The following KY variants were observed in gnomAD, a reference collection of about 807,000 sequenced individuals.
KY encodes kyphoscoliosis peptidase.
In KY, 43 loss-of-function variants were observed where a neutral mutation model predicts 76.1. That is an observed-to-expected ratio of 0.57 (90% confidence interval 0.44 to 0.73). The LOEUF is 0.73. Ranked by LOEUF, KY falls within the 30% of genes least tolerant of loss-of-function variation. KY has a pLI of 0.00. For missense variants in KY, 722 were observed against 828.9 expected, an observed-to-expected ratio of 0.87 and a Z score of 1.58; for synonymous variants, 277 against 326.2, an observed-to-expected ratio of 0.85 and a Z score of 1.63.
intron 1 of KY, 135 bp downstream of exon 1, chr3:134,650,690 G>T (rs1966862039): frequency 6.2e-6 from 5 of 806,918 alleles, no homozygotes; most frequent in Non-Finnish European, 9.3e-6. Context: ...GGGAAGCGAC[G>T]GCAGCCATGG....
At chr3:134,646,624 A>T (rs892453513) in intron 2 of KY, among the ~76,000 whole-genome samples, 3 of 152,210 alleles carry the variant, frequency 2.0e-5, no homozygotes, top group Non-Finnish European at 4.4e-5. Flanking sequence ...ATGGTAGAAC[A>T]TAGCAGTTTA....
chr3:134,643,304 C>T lies in KY; in HGVS notation c.262+12G>A, dbSNP rs188212710. 1.2e-5 allele frequency: 19 copies of T among 1,613,378 alleles called. No individual in the cohort carries two copies. Among genetic ancestry groups the T allele is most frequent in the Middle Eastern group, 1.7e-4 (1 of 5,808 alleles). Reference sequence around the variant, plus strand: ...CTGCAGGGGAGGTCACGGCTAGCGGCGAATCACTTACCTTGGCTGTTGTAG... The same window carrying T: ...CTGCAGGGGAGGTCACGGCTAGCGGTGAATCACTTACCTTGGCTGTTGTAG... On this transcript the variant is annotated intron_variant, in intron 3 of 10. Coordinates refer to ENST00000423778, the MANE Select transcript of KY (RefSeq NM_178554.6).
intron 3 of KY, among the ~76,000 whole-genome samples, chr3:134,632,513 CAAAGAAGA>C (rs1964369576): frequency 6.6e-6 from 1 of 151,778 alleles, no homozygotes. Flanking sequence ...ACACATAGAT[CAAAGAAGA>C]AGTCTCAAGG....
intron 9 of KY, 82 bp downstream of exon 9, chr3:134,610,113 C>T (rs1299687142): frequency 1.0e-5 from 15 of 1,466,780 alleles, no homozygotes; most frequent in Non-Finnish European, 1.4e-5. Context: ...GCTTGGTCTT[C>T]TCCACCTGCT....
chr3:134,648,768 G>C (rs535710402), intron 1 of KY, among the ~76,000 whole-genome samples: 1 of 152,128 alleles, frequency 6.6e-6, no homozygotes, highest in Admixed American at 6.5e-5. Context: ...AGGGCCACTC[G>C]TTACGGATTA....
intron 5 of KY, among the ~76,000 whole-genome samples, chr3:134,625,633 G>T (rs1963339644): frequency 6.6e-6 from 1 of 152,246 alleles, no homozygotes; most frequent in Non-Finnish European, 1.5e-5. Context: ...CTCAGTGGAG[G>T]AGGAGGGCAT....
chr3:134,638,290 A>T (rs9849192), intron 3 of KY, among the ~76,000 whole-genome samples: 111 of 152,370 alleles, frequency 7.3e-4, no homozygotes, highest in Middle Eastern at 3.4e-3. Context: ...GATCAAATAA[A>T]ACTCTTAATT....
At chr3:134,623,811 G>C (rs1231060515) in intron 6 of KY, among the ~76,000 whole-genome samples, 1 of 152,108 alleles carries the variant, frequency 6.6e-6, no homozygotes, top group Non-Finnish European at 1.5e-5. Context: ...TGTTGACCAC[G>C]TCTGCCCCAG....
intron 3 of KY, among the ~76,000 whole-genome samples, chr3:134,634,689 A>G (rs571532745): frequency 2.0e-5 from 3 of 152,330 alleles, no homozygotes; most frequent in South Asian, 4.1e-4. Context: ...GTCCACTCAT[A>G]TGGTCCTTTT....
chr3:134,629,902 C>T (rs1368207013), intron 3 of KY, among the ~76,000 whole-genome samples: 2 of 152,214 alleles, frequency 1.3e-5, no homozygotes, highest in Non-Finnish European at 2.9e-5. Context: ...AAAGCACACT[C>T]AGCCCTGTCT....
intron 9 of KY, 68 bp from the exon 10 acceptor site, chr3:134,608,907 C>G (rs755861758): frequency 1.3e-6 from 2 of 1,528,412 alleles, no homozygotes; most frequent in African/African-American, 2.7e-5. Flanking sequence ...ATACACCCAC[C>G]GGAGTGGTCC....
chr3:134,610,232 C>T lies in KY; in HGVS notation c.862G>A (p.Gly288Ser), dbSNP rs368364006. The change falls in exon 9 of 11, where the codon GGC (glycine) becomes AGC (serine). Residue 288 changes from glycine to serine, a missense_variant. This residue lies in a region of KY where 552 missense variants were observed against 680.9 expected (regional missense o/e 0.81). Coordinates refer to ENST00000423778, the MANE Select transcript of KY (RefSeq NM_178554.6). ...TTGGAGGTGATGGTGTCCACCAGGC[C>T]GCTGCCCCAGGTGCTGTCCACCAGG... is the stretch of plus-strand genomic sequence containing the variant. ...WHLVDSTWGS[G>S]LVDTITSKFT... 30 of 1,613,678 alleles carry T rather than the reference C, an allele frequency of 1.9e-5. No homozygotes were observed. The East Asian group carries it at 2.9e-4, about 16-fold the overall frequency.
chr3:134,636,740 G>A lies in KY; in HGVS notation c.262+6576C>T, dbSNP rs1341568638. Among the ~76,000 whole-genome samples the A allele has an allele frequency of 3.9e-5, 6 of 152,284 alleles. No individual in the cohort carries two copies. The South Asian group carries it at 8.3e-4, about 21-fold the overall frequency. ...GCTAAGTTGTGTGGTGGTTTGTAAT[G>A]CAAAAATAGATCACATATTCACTCA... On this transcript the variant is annotated intron_variant, in intron 3 of 10. Coordinates refer to ENST00000423778, the MANE Select transcript of KY (RefSeq NM_178554.6).
At chr3:134,616,192 T>C (rs9846111) in intron 8 of KY, among the ~76,000 whole-genome samples, 93,607 of 152,062 alleles carry the variant, frequency 0.62, 29,414 homozygotes, top group East Asian at 0.87. Flanking sequence ...AGAAGGAAAC[T>C]GGACCAGCAG....
chr3:134,608,077 C>T (rs1959554385), intron 10 of KY: 22 of 1,106,340 alleles, frequency 2.0e-5, no homozygotes, highest in Non-Finnish European at 2.4e-5. Context: ...GGTGGGACTG[C>T]CCCCACCTGT....
chr3:134,625,222 G>A (rs1963272258), intron 5 of KY, 87 bp from the exon 6 acceptor site: 1 of 999,874 alleles, frequency 1.0e-6, no homozygotes, highest in Non-Finnish European at 1.5e-6. Flanking sequence ...TTGAGGAGCT[G>A]TGACTGTCCA....
chr3:134,638,925 T>C (rs1415925392), intron 3 of KY, among the ~76,000 whole-genome samples: 1 of 152,172 alleles, frequency 6.6e-6, no homozygotes, highest in Non-Finnish European at 1.5e-5. Context: ...TGTGTGTGCA[T>C]GTGCACATGC....
At chr3:134,609,896 C>T (rs1960058095) in intron 9 of KY, among the ~76,000 whole-genome samples, 1 of 152,180 alleles carries the variant, frequency 6.6e-6, no homozygotes, top group Non-Finnish European at 1.5e-5. Flanking sequence ...GGCTATTAGC[C>T]CACCTTTCCT....
At chr3:134,622,342 G>A (rs1409223913) in intron 6 of KY, among the ~76,000 whole-genome samples, 1 of 152,148 alleles carries the variant, frequency 6.6e-6, no homozygotes. Flanking sequence ...AAATAAAATA[G>A]AGTATATACC....
Sources: gnomAD v4.1 joint callset for allele counts (sites outside exome capture counted in the v4.1 genomes callset) on GRCh38, gnomAD v4.1.1 for gene constraint, gnomAD v4.1.1 regional missense constraint, MANE v1.5 for transcripts, NCBI Gene and HGNC (gene_info 2026-07-23, HGNC 2026-07-21) for gene names.